TOM1: variants seen among roughly 807,000 people sequenced by gnomAD.
TOM1 encodes target of Myb protein 1.
Under a neutral mutation model 61.3 loss-of-function variants are expected in TOM1, and 38 were observed. The observed-to-expected ratio is 0.62, with a 90% CI of 0.48 to 0.81. TOM1 has a LOEUF of 0.81. Among genes scored for constraint, TOM1 ranks in the 40% least tolerant of loss-of-function variants. The pLI, the probability that TOM1 is intolerant of heterozygous loss-of-function variation, is 0.00. For synonymous variants in TOM1, 270 were observed against 268.8 expected, an observed-to-expected ratio of 1.00 and a Z score of -0.04; for missense variants, 591 against 659.6, an observed-to-expected ratio of 0.90 and a Z score of 1.14.
In TOM1 at chr22:35,323,231, C is replaced by T; in HGVS notation, c.366+54C>T. On this transcript the variant is annotated intron_variant, in intron 4 of 14. Coordinates refer to ENST00000449058, the MANE Select transcript of TOM1 (RefSeq NM_005488.3). The surrounding 1 kb of genome is among the most constrained non-coding windows in gnomAD (Gnocchi z 4.2). ...CCAGGAAGAGCTGTCAGTGCAGGAG[C>T]TTCCTGCCCAGTGGAGAGTCGAGGC... The T allele has an allele frequency of 6.3e-7, 1 of 1,591,550 alleles. No individual in the cohort carries two copies.
chr22:35,343,461 CA>C (rs1930162660), intron 12 of TOM1, among the ~76,000 whole-genome samples: 1 of 145,626 alleles, frequency 6.9e-6, no homozygotes, highest in African/African-American at 2.5e-5. Flanking sequence ...CCTACACACA[CA>C]CATTCATACA....
intron 13 of TOM1, among the ~76,000 whole-genome samples, chr22:35,345,995 C>A (rs1468147381): frequency 6.6e-6 from 1 of 152,242 alleles, no homozygotes; most frequent in Non-Finnish European, 1.5e-5. Context: ...TCGGCTGCTT[C>A]CCAGAGCCTG....
chr22:35,346,902 T>C, intron 13 of TOM1, 28 bp from the exon 14 acceptor site: 1 of 1,610,990 alleles, frequency 6.2e-7, no homozygotes, highest in East Asian at 2.2e-5. Context: ...CCGGCTAACC[T>C]CTGCCTCCTT....
chr22:35,310,143 C>A (rs1601668708), intron 1 of TOM1, among the ~76,000 whole-genome samples: 1 of 152,176 alleles, frequency 6.6e-6, no homozygotes, highest in Non-Finnish European at 1.5e-5. Flanking sequence ...GCATGGCTGG[C>A]CTATATCCAG....
chr22:35,333,164 G>A lies in TOM1; in HGVS notation c.933+150G>A, dbSNP rs1928987083. On this transcript the variant is annotated intron_variant, in intron 9 of 14. Coordinates refer to ENST00000449058, the MANE Select transcript of TOM1 (RefSeq NM_005488.3). ...TCCCCTTCTAACTTTTTATGTCCCTGTCCCTTTAAGGTAAATAAGGCTGTG... is the reference window on the plus strand; with the variant it reads ...TCCCCTTCTAACTTTTTATGTCCCTATCCCTTTAAGGTAAATAAGGCTGTG... 1.5e-5 allele frequency: 14 copies of A among 946,696 alleles called. No homozygotes were observed. In the South Asian group the frequency reaches 1.5e-4, roughly 10 times the overall value. The allele number at this position is 946,696 out of a possible 1,614,324, so 58.6% of individuals were successfully genotyped here.
intron 1 of TOM1, among the ~76,000 whole-genome samples, chr22:35,309,462 G>A (rs1490878569): frequency 6.6e-6 from 1 of 152,068 alleles, no homozygotes; most frequent in Non-Finnish European, 1.5e-5. Context: ...TGGCCAACAT[G>A]GTAAAACCCC....
At chr22:35,301,940 C>G (rs1458798455) in intron 1 of TOM1, among the ~76,000 whole-genome samples, 1 of 152,202 alleles carries the variant, frequency 6.6e-6, no homozygotes, top group East Asian at 1.9e-4. Flanking sequence ...TTAAGACTTA[C>G]TACTTAAAAA....
intron 1 of TOM1, among the ~76,000 whole-genome samples, 179 bp from the exon 2 acceptor site, chr22:35,317,698 G>A (rs574441888): frequency 6.6e-6 from 1 of 152,022 alleles, no homozygotes; most frequent in Non-Finnish European, 1.5e-5. Context: ...ATCTAGTGAC[G>A]ATGGGACAAT....
Position 35,334,355 on chromosome 22 carries a change from G to A in TOM1, c.1055G>A (p.Gly352Asp). 1 of 1,614,156 alleles carries A rather than the reference G, an allele frequency of 6.2e-7. No individual in the cohort carries two copies. The highest frequency in any genetic ancestry group is 8.5e-7 in the Non-Finnish European group (1 of 1,180,000). ...MNLGSSSVRA[G>D]LQSLEASGRL... ...CTGGGCTCCAGCAGTGTGAGAGCTG[G>A]CCTGCAGTCTCTGGAGGCCTCTGGT... Residue 352 changes from glycine (G) to aspartate (D), a missense_variant, in exon 11 of 15, where the codon GGC becomes GAC. Physicochemically the swap from Gly to Asp is moderately conservative, Grantham distance 94. Coordinates refer to ENST00000449058, the MANE Select transcript of TOM1 (RefSeq NM_005488.3).
At chr22:35,332,278 T>C (rs544343855) in intron 8 of TOM1, among the ~76,000 whole-genome samples, 1 of 152,274 alleles carries the variant, frequency 6.6e-6, no homozygotes, top group South Asian at 2.1e-4. Context: ...TAGCAGCTGG[T>C]ACCCTCAGAT....
intron 2 of TOM1, chr22:35,321,683 G>A (rs1486382162): frequency 1.9e-6 from 1 of 525,234 alleles, no homozygotes; most frequent in South Asian, 1.5e-5. Context: ...ACAGGCATGA[G>A]CCACCGCGCC....
intron 1 of TOM1, among the ~76,000 whole-genome samples, chr22:35,301,430 A>C (rs886186875): frequency 1.8e-4 from 28 of 152,152 alleles, no homozygotes; most frequent in African/African-American, 6.8e-4. Context: ...GGGCACCAAC[A>C]CCATGAGAAC....
Position 35,347,510 on chromosome 22 carries a change from G to C in TOM1, c.*301G>C. 3.4e-6 allele frequency: 1 copy of C among 292,240 alleles called. No homozygotes were observed. The highest frequency in any genetic ancestry group is 6.4e-6 in the Non-Finnish European group (1 of 157,196). The allele number at this position is 292,240 out of a possible 1,614,324, so 18.1% of individuals were successfully genotyped here. The stretch of plus-strand genomic sequence containing the variant: ...GGACAGGCTGGCTGGCTGGCTGGCT[G>C]CTTGACCCAGTGTGACTCTCCTTCA... On this transcript the variant is annotated 3_prime_UTR_variant, in exon 15 of 15. Coordinates refer to ENST00000449058, the MANE Select transcript of TOM1 (RefSeq NM_005488.3).
chr22:35,308,252 T>C (rs980789358), intron 1 of TOM1, among the ~76,000 whole-genome samples: 1 of 151,740 alleles, frequency 6.6e-6, no homozygotes, highest in African/African-American at 2.4e-5. Flanking sequence ...CTCTCTCTCT[T>C]TCTTTCTGCT....
chr22:35,345,918 A>G (rs540401659), intron 13 of TOM1, 134 bp downstream of exon 13: 59 of 925,290 alleles, frequency 6.4e-5, no homozygotes, highest in Non-Finnish European at 9.8e-5. Context: ...TAAAGTCCCC[A>G]TCTCCTGCCA....
chr22:35,307,419 C>T (rs1407473171), intron 1 of TOM1, among the ~76,000 whole-genome samples: 1 of 152,198 alleles, frequency 6.6e-6, no homozygotes, highest in Non-Finnish European at 1.5e-5. Flanking sequence ...ATGAGCCCAC[C>T]TGGCATGATC....
Position 35,325,767 on chromosome 22 carries a change from C to T in TOM1, c.649-1504C>T, listed in dbSNP as rs1162705333. 2.0e-5 allele frequency among the ~76,000 whole-genome samples: 3 copies of T among 152,216 alleles called. No individual in the cohort carries two copies. In the East Asian group the frequency reaches 5.8e-4, roughly 29 times the overall value. ...TCTGTGTGGATTAAGACGCTAATTACTTCCAATGCAAGAAGGTGCTTGCTA... is the reference window on the plus strand; with the variant it reads ...TCTGTGTGGATTAAGACGCTAATTATTTCCAATGCAAGAAGGTGCTTGCTA... On this transcript the variant is annotated intron_variant, in intron 6 of 14. Coordinates refer to ENST00000449058, the MANE Select transcript of TOM1 (RefSeq NM_005488.3).
chr22:35,327,224 G>T, intron 6 of TOM1, 47 bp from the exon 7 acceptor site: 1 of 1,569,426 alleles, frequency 6.4e-7, no homozygotes, highest in South Asian at 1.1e-5. Flanking sequence ...AGTAACATGG[G>T]CCCCAGAACC....
chr22:35,343,335 C>CCT (rs1930126295), intron 12 of TOM1, among the ~76,000 whole-genome samples: 2 of 149,608 alleles, frequency 1.3e-5, no homozygotes, highest in African/African-American at 2.5e-5. Flanking sequence ...CACACCCCCA[C>CCT]ACACACACCA....
Sources: gnomAD v4.1 joint callset for allele counts (sites outside exome capture counted in the v4.1 genomes callset) on GRCh38, gnomAD v4.1.1 for gene constraint, Gnocchi (gnomAD v3.1) non-coding constraint, MANE v1.5 for transcripts, NCBI Gene and HGNC (gene_info 2026-07-23, HGNC 2026-07-21) for gene names.